The following CHRM3 variants were observed in gnomAD, a reference collection of about 807,000 sequenced individuals.
CHRM3 encodes the protein muscarinic acetylcholine receptor M3.
CHRM3 carries 11 observed loss-of-function variants against 41.8 expected under a neutral mutation model. The ratio of observed to expected loss-of-function variants is 0.26; its 90% CI spans 0.17 to 0.44. The LOEUF is 0.44. Among genes scored for constraint, CHRM3 ranks in the 20% least tolerant of loss-of-function variants. The pLI, the probability that CHRM3 is intolerant of heterozygous loss-of-function variation, is 1.00. For missense variants in CHRM3, 571 were observed against 745.4 expected (o/e 0.77, Z 2.72); for synonymous variants, 297 against 301.4 (o/e 0.99, Z 0.15).
At chr1:239,540,826 G>A (rs975543119) in intron 2 of CHRM3, among the ~76,000 whole-genome samples, 1 of 151,902 alleles carries the variant, frequency 6.6e-6, no homozygotes, top group Non-Finnish European at 1.5e-5. Flanking sequence ...TATAAGTATA[G>A]CAATTTAACA....
At chr1:239,794,652 G>A (rs1183328745) in intron 5 of CHRM3, among the ~76,000 whole-genome samples, 2 of 151,932 alleles carry the variant, frequency 1.3e-5, no homozygotes, top group East Asian at 1.9e-4. Context: ...ATACAAATTC[G>A]GTGGCTTATT....
At chr1:239,468,375 TA>T (rs1665882023) in intron 1 of CHRM3, among the ~76,000 whole-genome samples, 1 of 152,208 alleles carries the variant, frequency 6.6e-6, no homozygotes, top group Non-Finnish European at 1.5e-5. Flanking sequence ...TAATGGTAAA[TA>T]TATGTTTTCT....
chr1:239,717,497 G>A (rs889314946), intron 5 of CHRM3, among the ~76,000 whole-genome samples: 2 of 151,664 alleles, frequency 1.3e-5, no homozygotes, highest in East Asian at 3.9e-4. Flanking sequence ...GATTTTTATC[G>A]TTGTTATCTT....
In CHRM3 at chr1:239,784,220, A is replaced by G. The variant is rs754697021; in HGVS notation, c.-146-43032A>G. Among the ~76,000 whole-genome samples the G allele has an allele frequency of 2.0e-4, 31 of 151,658 alleles. No homozygotes were observed. The South Asian group carries it at 3.3e-3, about 16-fold the overall frequency. ...GATAACTTTTCTTGCTCTGAGGTCT[A>G]CTCTGTCTGAAATTAATATGACTAC... On this transcript the variant is annotated intron_variant, in intron 5 of 6. Coordinates refer to ENST00000676153, the MANE Select transcript of CHRM3 (RefSeq NM_001375978.1).
intron 5 of CHRM3, among the ~76,000 whole-genome samples, chr1:239,771,820 T>G (rs1303322093): frequency 6.6e-6 from 1 of 152,190 alleles, no homozygotes; most frequent in Non-Finnish European, 1.5e-5. Context: ...CAAAGCCCTG[T>G]TTTAGATAAA....
intron 3 of CHRM3, among the ~76,000 whole-genome samples, chr1:239,593,854 A>ATAAAGATT (rs1334424725): frequency 6.6e-6 from 1 of 152,212 alleles, no homozygotes; most frequent in Non-Finnish European, 1.5e-5. Flanking sequence ...AATCTTTAGA[A>ATAAAGATT]TAGTAATTAA....
At chr1:239,673,274 G>T (rs1463813504) in intron 4 of CHRM3, among the ~76,000 whole-genome samples, 3 of 152,154 alleles carry the variant, frequency 2.0e-5, no homozygotes, top group East Asian at 1.9e-4. Flanking sequence ...GGTGAAATGT[G>T]CAATGCAGAG....
chr1:239,426,439 T>C (rs1262906863), intron 1 of CHRM3, among the ~76,000 whole-genome samples: 1 of 144,530 alleles, frequency 6.9e-6, no homozygotes, highest in African/African-American at 2.6e-5. Context: ...AATGACTTTC[T>C]AGCACGCCAT....
chr1:239,485,558 G>T (rs1667134364), intron 1 of CHRM3, among the ~76,000 whole-genome samples: 1 of 152,096 alleles, frequency 6.6e-6, no homozygotes, highest in Admixed American at 6.6e-5. Context: ...GGGATTACAG[G>T]CATGAGCCAC....
At chr1:239,618,338 C>G (rs1667889349) in intron 3 of CHRM3, among the ~76,000 whole-genome samples, 2 of 142,464 alleles carry the variant, frequency 1.4e-5, no homozygotes, top group South Asian at 4.5e-4. Context: ...ACTAGAAGCC[C>G]AAATGGGAAA....
In CHRM3 at chr1:239,533,390, A is replaced by G. The variant is rs1310693996; in HGVS notation, c.-421-12251A>G. 2.0e-5 allele frequency among the ~76,000 whole-genome samples: 3 copies of G among 152,210 alleles called. No homozygotes were observed. In the East Asian group the frequency reaches 5.8e-4, roughly 29 times the overall value. On this transcript the variant is annotated intron_variant, in intron 2 of 6. Coordinates refer to ENST00000676153, the MANE Select transcript of CHRM3 (RefSeq NM_001375978.1). ...CATGGCAGAAGGTGAAGGAGAAGAA[A>G]GGCACCTTCTTCACAGGGCGGCAGG...
chr1:239,792,835 A>G (rs1669459423), intron 5 of CHRM3, among the ~76,000 whole-genome samples: 1 of 152,242 alleles, frequency 6.6e-6, no homozygotes, highest in African/African-American at 2.4e-5. Context: ...TCAATAAATT[A>G]CGACATGCCT....
intron 3 of CHRM3, among the ~76,000 whole-genome samples, chr1:239,607,199 C>A (rs1666431956): frequency 6.6e-6 from 1 of 152,086 alleles, no homozygotes; most frequent in African/African-American, 2.4e-5. Context: ...TCTTTCCCTG[C>A]AGCATTCACT....
At chr1:239,451,214 A>C (rs1027744437) in intron 1 of CHRM3, among the ~76,000 whole-genome samples, 1 of 152,176 alleles carries the variant, frequency 6.6e-6, no homozygotes, top group Non-Finnish European at 1.5e-5. Flanking sequence ...TAAAAACAAA[A>C]GAAAGAAATA....
intron 5 of CHRM3, among the ~76,000 whole-genome samples, chr1:239,746,884 A>G (rs1441775618): frequency 6.6e-6 from 1 of 151,834 alleles, no homozygotes; most frequent in East Asian, 1.9e-4. Flanking sequence ...CAGCCTCCCG[A>G]GTAGCTGGGA....
intron 5 of CHRM3, among the ~76,000 whole-genome samples, chr1:239,740,668 GTC>G (rs1664767731): frequency 6.6e-6 from 1 of 151,924 alleles, no homozygotes; most frequent in Non-Finnish European, 1.5e-5. Flanking sequence ...CCCTCCCTGT[GTC>G]CATGTGTTCA....
chr1:239,665,019 G>T (rs1673630489), intron 4 of CHRM3, among the ~76,000 whole-genome samples: 1 of 151,832 alleles, frequency 6.6e-6, no homozygotes, highest in African/African-American at 2.4e-5. Context: ...GTCTCTGTGT[G>T]CTCATTCTCC....
chr1:239,886,690 T>C (rs1435103682), intron 6 of CHRM3: 1 of 152,218 alleles, frequency 6.6e-6, no homozygotes, highest in Non-Finnish European at 1.5e-5. Flanking sequence ...TCCAGATCTC[T>C]AATTAAGAAT....
In CHRM3 at chr1:239,566,342, T is replaced by C. The variant is rs557093982; in HGVS notation, c.-313+20593T>C. ...TTAACCAGTTTAAGTGAATTACCAA[T>C]GTCCAGCAAGACATTACTCACTTTG... On this transcript the variant is annotated intron_variant, in intron 3 of 6. Coordinates refer to ENST00000676153, the MANE Select transcript of CHRM3 (RefSeq NM_001375978.1). Among the ~76,000 whole-genome samples, 15 of 152,350 alleles carry C rather than the reference T, an allele frequency of 9.8e-5. No individual in the cohort carries two copies. In the South Asian group the frequency reaches 1.7e-3, roughly 17 times the overall value.
Sources: allele counts gnomAD v4.1 joint callset (sites outside exome capture counted in the v4.1 genomes callset), GRCh38; gene constraint gnomAD v4.1.1; transcripts MANE v1.5; gene names NCBI Gene and HGNC (gene_info 2026-07-23, HGNC 2026-07-21).